Variants in DMD observed in about 807,000 individuals in gnomAD.
The protein encoded by DMD is dystrophin.
A neutral mutation model predicts 330.1 loss-of-function variants in DMD; 63 were observed. That is an observed-to-expected ratio of 0.19 (90% CI 0.16 to 0.24). The LOEUF is 0.24. Among genes scored for constraint, DMD ranks in the 10% least tolerant of loss-of-function variants. The pLI is 1.00. For synonymous variants in DMD, 1,223 were observed against 959.8 expected (o/e 1.27, Z -5.07); for missense variants, 3,344 against 2,684.1 (o/e 1.25, Z -5.43).
intron 48 of DMD, among the ~76,000 whole-genome samples, chrX:31,853,713 A>T (rs2093568490): frequency 9.4e-6 from 1 of 106,190 alleles, no homozygotes. Flanking sequence ...GCTTCAGATT[A>T]AAAAAAAAAA....
intron 44 of DMD, among the ~76,000 whole-genome samples, chrX:32,204,474 A>G (rs950042810): frequency 8.9e-6 from 1 of 111,740 alleles, no homozygotes; most frequent in African/African-American, 3.2e-5. Flanking sequence ...ATTTTGTACT[A>G]TTTTCCAAAA....
At chrX:32,623,694 T>C (rs777065065) in intron 11 of DMD, among the ~76,000 whole-genome samples, 27 of 109,648 alleles carry the variant, frequency 2.5e-4, no homozygotes, top group Admixed American at 4.9e-4. Flanking sequence ...CCTGGCAAAT[T>C]TTTAACTCTT....
At chrX:32,875,626 G>A (rs772381501) in intron 2 of DMD, among the ~76,000 whole-genome samples, 6 of 112,067 alleles carry the variant, frequency 5.4e-5, no homozygotes, top group Non-Finnish European at 1.1e-4. Context: ...TATAGGTTAT[G>A]GTCTACTACT....
intron 1 of DMD, among the ~76,000 whole-genome samples, chrX:33,227,974 A>G (rs2052320893): frequency 9.0e-6 from 1 of 110,980 alleles, no homozygotes; most frequent in African/African-American, 3.3e-5. Flanking sequence ...AGGATAAAAA[A>G]AGTTTTATAT....
At chrX:33,033,554 C>CAAAAAAAAAAAAAAAAAAAAAAAAAAAAA (rs775790760) in intron 1 of DMD, among the ~76,000 whole-genome samples, 12 of 74,489 alleles carry the variant, frequency 1.6e-4, no homozygotes, top group Non-Finnish European at 2.0e-4. Flanking sequence ...ACTAAAAATA[C>CAAAAAAAAAAAAAAAAAAAAAAAAAAAAA]AAAAAAAAAA....
At chrX:31,421,850 C>A (rs1431223108) in intron 60 of DMD, among the ~76,000 whole-genome samples, 1 of 100,971 alleles carries the variant, frequency 9.9e-6, no homozygotes, top group Non-Finnish European at 2.0e-5. Flanking sequence ...TTCAACCCCT[C>A]CCTGCTTACT....
rs1230072221 is a variant in DMD, at chrX:32,710,135, A to G, written c.650-10842T>C. On this transcript the variant is annotated intron_variant, in intron 7 of 78. Transcript: ENST00000357033. ...GGTATAGAATTAGTTTTTATCAAGT[A>G]TCAATTATATACAAGAACTTTTATT... is the stretch of plus-strand genomic sequence containing the variant. Among the ~76,000 whole-genome samples, 3 of 109,984 alleles carry G rather than the reference A, an allele frequency of 2.7e-5. No homozygotes were observed. The Admixed American group carries it at 2.9e-4, about 11-fold the overall frequency.
At chrX:32,005,271 C>G (rs754826592) in intron 44 of DMD, among the ~76,000 whole-genome samples, 1 of 111,419 alleles carries the variant, frequency 9.0e-6, no homozygotes, top group Non-Finnish European at 1.9e-5. Flanking sequence ...AGCAATTTAC[C>G]AGCAAGAAAT....
chrX:31,728,599 G>C (rs16989796), intron 52 of DMD, among the ~76,000 whole-genome samples: 9,056 of 111,438 alleles, frequency 0.081, 615 homozygotes, highest in Admixed American at 0.22. Context: ...TTGACAACTA[G>C]TCATTTCCTT....
chrX:31,798,107 G>A (rs762318703), intron 50 of DMD, among the ~76,000 whole-genome samples: 6 of 111,698 alleles, frequency 5.4e-5, no homozygotes, highest in African/African-American at 9.8e-5. Flanking sequence ...AAAATATATC[G>A]GGTTGAATGA....
At chrX:31,360,901 C>T (rs1254169723) in intron 60 of DMD, among the ~76,000 whole-genome samples, 1 of 111,797 alleles carries the variant, frequency 8.9e-6, no homozygotes, top group African/African-American at 3.3e-5. Context: ...GCGTGTAAAG[C>T]GTTTAACAGC....
At chrX:31,899,688 C>T (rs2094396457) in intron 47 of DMD, among the ~76,000 whole-genome samples, 1 of 110,467 alleles carries the variant, frequency 9.1e-6, no homozygotes, top group Non-Finnish European at 1.9e-5. Flanking sequence ...TTTTCTTAAC[C>T]ATAACAGTCT....
intron 55 of DMD, among the ~76,000 whole-genome samples, chrX:31,510,547 A>AC (rs1329152356): frequency 1.1e-5 from 1 of 91,377 alleles, no homozygotes; most frequent in Admixed American, 1.4e-4. Flanking sequence ...TCGCTCTGTC[A>AC]CCCAGGCTGG....
chrX:31,456,836 ATG>A (rs5901988), intron 59 of DMD, among the ~76,000 whole-genome samples: 31,706 of 82,932 alleles, frequency 0.38, 5,443 homozygotes, highest in Non-Finnish European at 0.49. Context: ...GCCCACATAT[ATG>A]TGTGTGTGTG....
chrX:32,782,646 G>A lies in DMD; in HGVS notation c.649+26847C>T, dbSNP rs1385799929. On this transcript the variant is annotated intron_variant, in intron 7 of 78. Coordinates refer to ENST00000357033, the MANE Select transcript of DMD (RefSeq NM_004006.3). The stretch of plus-strand genomic sequence containing the variant: ...TATGAATGATTTAGTGATATACAGT[G>A]GGCCCTCCGTATCTGCGGGTTCTGT... 7.2e-5 allele frequency among the ~76,000 whole-genome samples: 8 copies of A among 110,862 alleles called. No homozygotes were observed. The Admixed American group carries it at 7.7e-4, about 11-fold the overall frequency.
chrX:32,887,208 G>A (rs1213114858), intron 2 of DMD, among the ~76,000 whole-genome samples: 2 of 108,974 alleles, frequency 1.8e-5, no homozygotes, highest in African/African-American at 3.4e-5. Flanking sequence ...TTAGCCGGGC[G>A]TGCTGACAGG....
rs187577395 is a variant in DMD, at chrX:32,481,324, G to A, written c.2803+3595C>T. 5.4e-5 allele frequency among the ~76,000 whole-genome samples: 6 copies of A among 111,564 alleles called. No homozygotes were observed. The East Asian group carries it at 1.7e-3, about 32-fold the overall frequency. ...TAAGGTTCAATGGACTCTCCTCTGT[G>A]TGGCTATTCTTTCCACAAGTCTTCC... On this transcript the variant is annotated intron_variant, in intron 21 of 78. Coordinates refer to ENST00000357033, the MANE Select transcript of DMD (RefSeq NM_004006.3).
At position 32,563,977 on chromosome X, in the gene DMD, T is replaced by C. The variant is rs755545959; in HGVS notation, c.1992+1725A>G. 2.7e-5 allele frequency among the ~76,000 whole-genome samples: 3 copies of C among 111,699 alleles called. No homozygotes were observed. The East Asian group carries it at 8.5e-4, about 32-fold the overall frequency. On this transcript the variant is annotated intron_variant, in intron 16 of 78. Transcript: ENST00000357033. ...CATCACCCAGGTATTAAGCCCAGTATCCAATAGTCTTATTTACTGCTCATC... is the reference window on the plus strand; with the variant it reads ...CATCACCCAGGTATTAAGCCCAGTACCCAATAGTCTTATTTACTGCTCATC...
intron 44 of DMD, among the ~76,000 whole-genome samples, chrX:32,205,372 T>C (rs5972509): frequency 9.3e-6 from 1 of 108,065 alleles, no homozygotes; most frequent in Admixed American, 1.0e-4. Flanking sequence ...TTTTCAACTT[T>C]TTCTCATTTT....
Sources: allele counts gnomAD v4.1 joint callset (sites outside exome capture counted in the v4.1 genomes callset), GRCh38; gene constraint gnomAD v4.1.1; transcripts MANE v1.5; gene names NCBI Gene and HGNC (gene_info 2026-07-23, HGNC 2026-07-21).